SEPTIN7: variants seen among roughly 807,000 people sequenced by gnomAD.
The protein encoded by SEPTIN7 is septin 7.
SEPTIN7 carries 10 observed loss-of-function variants against 63.3 expected under a neutral mutation model. That is an observed-to-expected ratio of 0.16 (90% CI 0.10 to 0.27). SEPTIN7 has a LOEUF of 0.27. SEPTIN7 is among the 10% of genes least tolerant of loss of function. The pLI, the probability that SEPTIN7 is intolerant of heterozygous loss-of-function variation, is 1.00. For missense variants in SEPTIN7, 310 were observed against 521.0 expected (o/e 0.59, Z 3.94); for synonymous variants, 131 against 165.3 (o/e 0.79, Z 1.59).
In SEPTIN7 at chr7:35,904,318, G is replaced by A. The variant is rs1375151535; in HGVS notation, c.*25G>A. 5.9e-6 allele frequency: 9 copies of A among 1,535,744 alleles called. No individual in the cohort carries two copies. The African/African-American group carries it at 6.9e-5, about 12-fold the overall frequency. Reference sequence around the variant, plus strand: ...AACTCTCTATTGACCACCAGTTAACGTATTAGTTGCCAATATGCCAGCTTG... The same window carrying A: ...AACTCTCTATTGACCACCAGTTAACATATTAGTTGCCAATATGCCAGCTTG... On this transcript the variant is annotated 3_prime_UTR_variant, in exon 14 of 14. Transcript: ENST00000350320.
At chr7:35,854,915 A>T (rs1232828374) in intron 3 of SEPTIN7, among the ~76,000 whole-genome samples, 3 of 152,094 alleles carry the variant, frequency 2.0e-5, no homozygotes, top group Admixed American at 2.0e-4. Flanking sequence ...ATTCACTTTT[A>T]TTATTACCCT....
At chr7:35,899,018 G>C (rs973297912) in intron 12 of SEPTIN7, 5 of 152,190 alleles carry the variant, frequency 3.3e-5, no homozygotes, top group African/African-American at 4.8e-5. Context: ...TAGATGTTGA[G>C]TTATACATTT....
intron 1 of SEPTIN7, among the ~76,000 whole-genome samples, chr7:35,811,553 A>G (rs938971625): frequency 1.3e-5 from 2 of 152,202 alleles, no homozygotes; most frequent in African/African-American, 4.8e-5. Flanking sequence ...TGGAGACTCT[A>G]TAACTCACTA....
chr7:35,818,530 G>A (rs1789226495), intron 1 of SEPTIN7, among the ~76,000 whole-genome samples: 1 of 152,020 alleles, frequency 6.6e-6, no homozygotes, highest in African/African-American at 2.4e-5. Context: ...TTGAAGGATT[G>A]TACAACCTTT....
chr7:35,904,197 G>A, intron 13 of SEPTIN7, 57 bp from the exon 14 acceptor site: 1 of 1,314,502 alleles, frequency 7.6e-7, no homozygotes, highest in Non-Finnish European at 1.0e-6. Context: ...TTATCATGTT[G>A]TCTATCATGT....
At chr7:35,807,036 A>G (rs1177458162) in intron 1 of SEPTIN7, among the ~76,000 whole-genome samples, 1 of 152,196 alleles carries the variant, frequency 6.6e-6, no homozygotes. Context: ...TGCAGTGGTA[A>G]TTTGAAACTT....
At chr7:35,832,201 A>G in intron 2 of SEPTIN7, 1 of 415,018 alleles carries the variant, frequency 2.4e-6, no homozygotes, top group Non-Finnish European at 4.8e-6. Context: ...CAGTAGGATC[A>G]TGTGAAACCT....
chr7:35,868,109 A>G (rs556309999), intron 4 of SEPTIN7, among the ~76,000 whole-genome samples: 5 of 152,190 alleles, frequency 3.3e-5, no homozygotes, highest in African/African-American at 1.2e-4. Flanking sequence ...ACCTCAACTG[A>G]TCCTTCCACC....
intron 3 of SEPTIN7, among the ~76,000 whole-genome samples, chr7:35,851,887 C>T (rs1004150311): frequency 6.6e-6 from 1 of 152,162 alleles, no homozygotes; most frequent in Non-Finnish European, 1.5e-5. Flanking sequence ...GGCATAGCCT[C>T]ACTGCTTTCA....
intron 4 of SEPTIN7, among the ~76,000 whole-genome samples, chr7:35,868,543 A>C (rs1220202482): frequency 1.3e-5 from 2 of 151,910 alleles, no homozygotes; most frequent in Non-Finnish European, 2.9e-5. Flanking sequence ...ATTTTAATGA[A>C]GTGGTAGCAA....
At position 35,898,281 on chromosome 7, in the gene SEPTIN7, G is replaced by C. The variant is rs1181579572; in HGVS notation, c.1032G>C (p.Arg344Ser). Reference protein sequence around the residue: ...SPLAQMEEERREHVAKMKKME... With the variant: ...SPLAQMEEERSEHVAKMKKME... Reference sequence around the variant, plus strand: ...TGGCACAAATGGAAGAAGAAAGAAGGGAGCATGTAGCTAAAATGAAGAAGA... The same window carrying C: ...TGGCACAAATGGAAGAAGAAAGAAGCGAGCATGTAGCTAAAATGAAGAAGA... The change falls in exon 12 of 14, where the codon AGG (arginine) becomes AGC (serine). Residue 344 changes from arginine (R) to serine (S), a missense_variant. Arg to Ser is a moderately radical substitution (Grantham distance 110). Transcript: ENST00000350320. 1 of 1,551,262 alleles carries C rather than the reference G, an allele frequency of 6.4e-7. No homozygotes were observed.
chr7:35,801,986 T>C (rs1002523346), intron 1 of SEPTIN7, among the ~76,000 whole-genome samples: 13 of 151,576 alleles, frequency 8.6e-5, no homozygotes, highest in Non-Finnish European at 1.6e-4. Flanking sequence ...GAATCGGTAG[T>C]TTGGTTTGGA....
chr7:35,839,477 A>G (rs1359009874), intron 3 of SEPTIN7, among the ~76,000 whole-genome samples: 1 of 152,134 alleles, frequency 6.6e-6, no homozygotes, highest in Non-Finnish European at 1.5e-5. Flanking sequence ...CTTAATGGCT[A>G]TATGTGTATT....
intron 1 of SEPTIN7, among the ~76,000 whole-genome samples, chr7:35,820,177 C>G (rs531757957): frequency 1.3e-5 from 2 of 152,232 alleles, no homozygotes; most frequent in African/African-American, 4.8e-5. Context: ...AGTTGCTTCT[C>G]ATAAGCTGCT....
chr7:35,847,064 C>A, intron 3 of SEPTIN7: 1 of 180,122 alleles, frequency 5.6e-6, no homozygotes, highest in South Asian at 1.3e-4. Flanking sequence ...GAAATAATGT[C>A]ACTACATTAG....
chr7:35,846,327 A>C (rs1346186715), intron 3 of SEPTIN7, among the ~76,000 whole-genome samples: 1 of 151,870 alleles, frequency 6.6e-6, no homozygotes, highest in Non-Finnish European at 1.5e-5. Context: ...CCACACACAC[A>C]CTTTTTTTAT....
At chr7:35,803,575 A>G (rs1000967320) in intron 1 of SEPTIN7, among the ~76,000 whole-genome samples, 1 of 152,216 alleles carries the variant, frequency 6.6e-6, no homozygotes, top group Non-Finnish European at 1.5e-5. Context: ...GGAATTGCCG[A>G]TAGAGAATTC....
intron 1 of SEPTIN7, among the ~76,000 whole-genome samples, chr7:35,813,417 T>C (rs1234901803): frequency 6.6e-6 from 1 of 151,996 alleles, no homozygotes; most frequent in African/African-American, 2.4e-5. Flanking sequence ...TGCAGTGGCA[T>C]GATCTCAGCT....
chr7:35,886,654 T>C (rs1787268758), intron 10 of SEPTIN7, among the ~76,000 whole-genome samples: 1 of 152,232 alleles, frequency 6.6e-6, no homozygotes, highest in South Asian at 2.1e-4. Context: ...CCACATACTC[T>C]CTTTAACCTT....
Sources: allele counts gnomAD v4.1 joint callset (sites outside exome capture counted in the v4.1 genomes callset), GRCh38; gene constraint gnomAD v4.1.1; transcripts MANE v1.5; gene names NCBI Gene and HGNC (gene_info 2026-07-23, HGNC 2026-07-21).